Variants in SOX5 observed in about 807,000 individuals in gnomAD.
The protein encoded by SOX5 is transcription factor SOX-5.
Under a neutral mutation model 92.0 loss-of-function variants are expected in SOX5, and 9 were observed. The ratio of observed to expected loss-of-function variants is 0.10; its 90% confidence interval spans 0.06 to 0.17. The LOEUF is 0.17. Among genes scored for constraint, SOX5 ranks in the 10% least tolerant of loss-of-function variants. The pLI is 1.00. For missense variants in SOX5, 642 were observed against 944.5 expected, an observed-to-expected ratio of 0.68 and a Z score of 4.20; for synonymous variants, 344 against 336.3, an observed-to-expected ratio of 1.02 and a Z score of -0.25.
chr12:23,869,945 T>G (rs996505334), intron 2 of SOX5, among the ~76,000 whole-genome samples: 1 of 152,162 alleles, frequency 6.6e-6, no homozygotes, highest in Non-Finnish European at 1.5e-5. Flanking sequence ...GAGATAAAAA[T>G]GTGCTTTTCT....
intron 6 of SOX5, among the ~76,000 whole-genome samples, chr12:23,720,968 A>T (rs1262685018): frequency 2.0e-5 from 3 of 152,200 alleles, no homozygotes; most frequent in Non-Finnish European, 4.4e-5. Context: ...AATTAGTTAT[A>T]GGACTTGGGG....
chr12:24,406,726 G>A (rs976080696), intron 1 of SOX5, among the ~76,000 whole-genome samples: 1 of 152,030 alleles, frequency 6.6e-6, no homozygotes, highest in Non-Finnish European at 1.5e-5. Context: ...ATGTCCAGAG[G>A]ACTTTTTTTT....
chr12:24,528,749 A>T (rs1441455146), intron 1 of SOX5, among the ~76,000 whole-genome samples: 1 of 152,208 alleles, frequency 6.6e-6, no homozygotes, highest in East Asian at 1.9e-4. Flanking sequence ...TCCTCAGTGG[A>T]TCTAGAGGAA....
At chr12:24,312,878 C>T (rs1595473186) in intron 2 of SOX5, among the ~76,000 whole-genome samples, 1 of 152,262 alleles carries the variant, frequency 6.6e-6, no homozygotes, top group South Asian at 2.1e-4. Context: ...TATTCCAGTG[C>T]TTTTCTGTAC....
chr12:24,430,909 G>T (rs1938176048), intron 1 of SOX5, among the ~76,000 whole-genome samples: 1 of 152,104 alleles, frequency 6.6e-6, no homozygotes, highest in Non-Finnish European at 1.5e-5. Context: ...TTGGAAAGTT[G>T]CACTAAATTA....
At chr12:24,106,387 T>C (rs1225882564) in intron 4 of SOX5, among the ~76,000 whole-genome samples, 1 of 152,134 alleles carries the variant, frequency 6.6e-6, no homozygotes, top group African/African-American at 2.4e-5. Flanking sequence ...TGGGGAAATA[T>C]TCAAAACTAT....
chr12:24,388,133 C>A (rs185948116), intron 1 of SOX5, among the ~76,000 whole-genome samples: 5 of 152,324 alleles, frequency 3.3e-5, no homozygotes, highest in Non-Finnish European at 7.3e-5. Flanking sequence ...CCATCACCAT[C>A]TCAGATTTTG....
intron 1 of SOX5, among the ~76,000 whole-genome samples, chr12:24,403,705 T>C (rs1405175348): frequency 6.6e-6 from 1 of 152,210 alleles, no homozygotes; most frequent in African/African-American, 2.4e-5. Flanking sequence ...AAAATCACGG[T>C]TAGATCCCTG....
Position 24,393,773 on chromosome 12 carries a change from A to C in SOX5, c.-250-25134T>G. On this transcript the variant is annotated intron_variant, in intron 1 of 4. Coordinates refer to the SOX5 transcript ENST00000446891. This position sits in a 1 kb window ranked among gnomAD's most constrained non-coding sequence, Gnocchi z 5.0. ...GGGGATGAAAGAAACTTTGTTTCCC[A>C]TCTTCAAAGAAGTGGGGAAATTTAA... 6.6e-6 allele frequency among the ~76,000 whole-genome samples: 1 copy of C among 152,332 alleles called. No homozygotes were observed. The highest frequency in any genetic ancestry group is 3.4e-3 in the Middle Eastern group (1 of 294).
chr12:24,263,459 C>T (rs1298452333), intron 3 of SOX5, among the ~76,000 whole-genome samples: 3 of 133,104 alleles, frequency 2.3e-5, no homozygotes, highest in African/African-American at 5.3e-5. Context: ...ACCCAGAGGG[C>T]GGAGCTTGCA....
At chr12:23,641,432 T>C (rs2080045939) in intron 7 of SOX5, among the ~76,000 whole-genome samples, 1 of 152,198 alleles carries the variant, frequency 6.6e-6, no homozygotes, top group African/African-American at 2.4e-5. Context: ...GTTTTTCAAG[T>C]TATATGAAAT....
intron 3 of SOX5, among the ~76,000 whole-genome samples, chr12:23,839,332 T>C (rs1231487656): frequency 6.6e-6 from 1 of 152,136 alleles, no homozygotes; most frequent in Non-Finnish European, 1.5e-5. Context: ...ATATACCATA[T>C]TTCCATGGAG....
At chr12:23,647,335 C>A (rs1287159328) in intron 7 of SOX5, among the ~76,000 whole-genome samples, 1 of 152,162 alleles carries the variant, frequency 6.6e-6, no homozygotes, top group Admixed American at 6.5e-5. Flanking sequence ...GTCATCCAGG[C>A]TTTTGCTGTT....
chr12:24,316,506 A>G (rs1390728362), intron 2 of SOX5, among the ~76,000 whole-genome samples: 2 of 152,040 alleles, frequency 1.3e-5, no homozygotes, highest in African/African-American at 4.8e-5. Flanking sequence ...CTTTCAACTC[A>G]CTCATCAGAA....
At chr12:23,847,987 A>C (rs1485969535) in intron 2 of SOX5, among the ~76,000 whole-genome samples, 1 of 152,194 alleles carries the variant, frequency 6.6e-6, no homozygotes, top group Admixed American at 6.5e-5. Flanking sequence ...GTAAATTAAT[A>C]GGAATGTTTT....
At chr12:23,796,876 TATAA>T (rs939106403) in intron 3 of SOX5, among the ~76,000 whole-genome samples, 73 of 138,770 alleles carry the variant, frequency 5.3e-4, no homozygotes, top group African/African-American at 1.8e-3. Context: ...TAAATTTATA[TATAA>T]ATATATATAA....
At chr12:23,575,964 A>C in intron 9 of SOX5, 126 bp from the exon 10 acceptor site, 1 of 654,270 alleles carries the variant, frequency 1.5e-6, no homozygotes. Flanking sequence ...CTTAACATTC[A>C]TTCTGAACAT....
chr12:24,226,052 G>A (rs991564005), intron 3 of SOX5, among the ~76,000 whole-genome samples: 8 of 152,160 alleles, frequency 5.3e-5, no homozygotes, highest in African/African-American at 1.7e-4. Flanking sequence ...CTTTAGGAGA[G>A]TATTGGCCTG....
intron 3 of SOX5, among the ~76,000 whole-genome samples, chr12:24,219,122 A>C (rs1326769784): frequency 1.3e-5 from 2 of 152,136 alleles, no homozygotes; most frequent in Non-Finnish European, 2.9e-5. Context: ...CAAAATAGAT[A>C]AATAAATGAG....
Sources: gnomAD v4.1 joint callset for allele counts (sites outside exome capture counted in the v4.1 genomes callset) on GRCh38, gnomAD v4.1.1 for gene constraint, Gnocchi (gnomAD v3.1) non-coding constraint, MANE v1.5 for transcripts, NCBI Gene and HGNC (gene_info 2026-07-23, HGNC 2026-07-21) for gene names.